PARN: variants seen among roughly 807,000 people sequenced by gnomAD.
PARN encodes the protein poly(A)-specific ribonuclease PARN.
PARN carries 71 observed loss-of-function variants against 102.8 expected under a neutral mutation model. The observed-to-expected ratio is 0.69, with a 90% CI of 0.57 to 0.84. The LOEUF (loss-of-function observed/expected upper bound fraction) is 0.84. PARN is among the 40% of genes least tolerant of loss of function. The pLI is 0.00. For missense variants in PARN, 782 were observed against 760.9 expected (o/e 1.03, Z -0.33); for synonymous variants, 261 against 252.9 (o/e 1.03, Z -0.30).
intron 21 of PARN, among the ~76,000 whole-genome samples, chr16:14,523,063 A>G (rs1300041190): frequency 1.3e-5 from 2 of 152,208 alleles, no homozygotes; most frequent in East Asian, 3.8e-4. Flanking sequence ...AAAAAGATGT[A>G]TCAGGCAAAT....
At chr16:14,499,006 ATTTTG>A (rs2151621761) in intron 21 of PARN, among the ~76,000 whole-genome samples, 1 of 152,320 alleles carries the variant, frequency 6.6e-6, no homozygotes, top group Non-Finnish European at 1.5e-5. Flanking sequence ...AATTGTTTTG[ATTTTG>A]AAGTCCCATC....
chr16:14,436,723 T>G lies in PARN; in HGVS notation c.1914A>C (p.Thr638=). Residue 638 remains threonine (T), a synonymous_variant, in exon 24 of 24, where the codon ACA becomes ACC. Coordinates refer to ENST00000437198, the MANE Select transcript of PARN (RefSeq NM_002582.4). The stretch of plus-strand genomic sequence containing the variant: ...TGCTGCCCTCAGGTCTTGGTTACCA[T>G]GTGTCAGGAACTTCAAAGAGTGTGG... ...SPATLFEVPD[T]W 1 of 1,600,790 alleles carries G rather than the reference T, an allele frequency of 6.2e-7. No individual in the cohort carries two copies. The highest frequency in any genetic ancestry group is 1.1e-5 in the South Asian group (1 of 88,164).
Position 14,489,275 on chromosome 16 carries a change from C to T in PARN, c.1481-6448G>A, listed in dbSNP as rs575919926. On this transcript the variant is annotated intron_variant, in intron 21 of 23. Transcript: ENST00000437198. ...TAATTCTTTGGTTGAGTGGTGGTTT[C>T]ACAGATGTGCATTACATTTTAAACA... Among the ~76,000 whole-genome samples, 4 of 152,012 alleles carry T rather than the reference C, an allele frequency of 2.6e-5. No individual in the cohort carries two copies. In the South Asian group the frequency reaches 8.3e-4, roughly 32 times the overall value.
intron 21 of PARN, among the ~76,000 whole-genome samples, chr16:14,530,039 C>A (rs989867735): frequency 1.1e-4 from 17 of 152,222 alleles, no homozygotes; most frequent in Non-Finnish European, 1.8e-4. Context: ...GTGGCCCCAT[C>A]CACTTGTCAA....
chr16:14,541,119 C>CTTT (rs34336313), intron 21 of PARN, among the ~76,000 whole-genome samples: 2 of 126,308 alleles, frequency 1.6e-5, no homozygotes, highest in Non-Finnish European at 1.7e-5. Context: ...GGCGAAACAT[C>CTTT]TTTTTTTTTT....
At chr16:14,441,521 G>A (rs1016567218) in intron 23 of PARN, among the ~76,000 whole-genome samples, 14 of 152,192 alleles carry the variant, frequency 9.2e-5, no homozygotes, top group Admixed American at 9.2e-4. Context: ...TTGGGAAGCT[G>A]CACTCAAGTT....
intron 21 of PARN, among the ~76,000 whole-genome samples, chr16:14,544,130 T>C (rs759934727): frequency 1.3e-5 from 2 of 151,978 alleles, no homozygotes; most frequent in African/African-American, 2.4e-5. Flanking sequence ...AGGTGGAGGT[T>C]GCGGTGAGCC....
At chr16:14,617,493 A>T in intron 6 of PARN, 97 bp downstream of exon 6, 1 of 726,006 alleles carries the variant, frequency 1.4e-6, no homozygotes, top group Non-Finnish European at 2.5e-6. Flanking sequence ...GTGTCTCAGC[A>T]GGCACAAAAT....
At chr16:14,526,719 C>G (rs891649477) in intron 21 of PARN, among the ~76,000 whole-genome samples, 1 of 152,194 alleles carries the variant, frequency 6.6e-6, no homozygotes, top group Non-Finnish European at 1.5e-5. Flanking sequence ...AAGTCAAATT[C>G]AACAGTTGTA....
intron 22 of PARN, among the ~76,000 whole-genome samples, chr16:14,464,369 A>G (rs997661407): frequency 2.0e-5 from 3 of 152,260 alleles, no homozygotes; most frequent in African/African-American, 7.2e-5. Context: ...GAAATAATGC[A>G]AGTGAGAAGA....
chr16:14,488,590 G>A (rs1439024164), intron 21 of PARN, among the ~76,000 whole-genome samples: 1 of 152,236 alleles, frequency 6.6e-6, no homozygotes, highest in African/African-American at 2.4e-5. Flanking sequence ...CCGCACAGAA[G>A]GGAGGTGTGT....
At chr16:14,601,201 A>G (rs911236922) in intron 11 of PARN, among the ~76,000 whole-genome samples, 1 of 152,210 alleles carries the variant, frequency 6.6e-6, no homozygotes, top group African/African-American at 2.4e-5. Context: ...AATAGTCAAA[A>G]GCAACCCAGG....
At position 14,446,903 on chromosome 16, in the gene PARN, C is replaced by CCTT. The variant is rs1961223739; in HGVS notation, c.1846_1848dup (p.Lys616dup). Reference sequence around the variant, plus strand: ...CAATACAAACCTGCTGGAGAAAGCTCCTTCTTCATTCTTTTTAATTTCTTG... The same window carrying CCTT: ...CAATACAAACCTGCTGGAGAAAGCTCCTTCTTCTTCATTCTTTTTAATTTCTTG... On this transcript the variant is annotated inframe_insertion, in exon 23 of 24. Coordinates refer to ENST00000437198, the MANE Select transcript of PARN (RefSeq NM_002582.4). 1 of 1,612,662 alleles carries CCTT rather than the reference C, an allele frequency of 6.2e-7. No homozygotes were observed. Among genetic ancestry groups the CCTT allele is most frequent in the Non-Finnish European group, 8.5e-7 (1 of 1,179,214 alleles).
intron 21 of PARN, among the ~76,000 whole-genome samples, chr16:14,486,191 A>G (rs1963678008): frequency 6.6e-6 from 1 of 151,996 alleles, no homozygotes; most frequent in Admixed American, 6.6e-5. Flanking sequence ...CCCATTCTCC[A>G]CACACACACA....
intron 22 of PARN, among the ~76,000 whole-genome samples, chr16:14,476,862 A>G (rs561853976): frequency 2.2e-4 from 33 of 152,334 alleles, no homozygotes; most frequent in African/African-American, 6.5e-4. Context: ...AATAGAGAAG[A>G]TAAAACAGGA....
intron 5 of PARN, among the ~76,000 whole-genome samples, chr16:14,625,550 C>T (rs935842902): frequency 3.9e-5 from 6 of 152,052 alleles, no homozygotes; most frequent in Admixed American, 1.3e-4. Flanking sequence ...TCCCATACCA[C>T]GGTGATTGAC....
intron 22 of PARN, among the ~76,000 whole-genome samples, chr16:14,458,532 G>T (rs1023030693): frequency 2.6e-5 from 4 of 152,152 alleles, no homozygotes; most frequent in African/African-American, 7.2e-5. Context: ...CAGAGAATGG[G>T]GTATCAGCTC....
chr16:14,521,676 T>C (rs1052189513), intron 21 of PARN, among the ~76,000 whole-genome samples: 2 of 151,858 alleles, frequency 1.3e-5, no homozygotes, highest in African/African-American at 4.8e-5. Context: ...TACATGCCTG[T>C]AATCCCAGCT....
intron 17 of PARN, 86 bp from the exon 18 acceptor site, chr16:14,581,029 C>T (rs1596738757): frequency 2.7e-6 from 2 of 744,926 alleles, no homozygotes; most frequent in Non-Finnish European, 4.7e-6. Flanking sequence ...TTTAAATTAA[C>T]AGCATGGTTC....
Sources: gnomAD v4.1 joint callset for allele counts (sites outside exome capture counted in the v4.1 genomes callset) on GRCh38, gnomAD v4.1.1 for gene constraint, MANE v1.5 for transcripts, NCBI Gene and HGNC (gene_info 2026-07-23, HGNC 2026-07-21) for gene names.